MTAP: variants seen among roughly 807,000 people sequenced by gnomAD.
MTAP encodes the protein methylthioadenosine phosphorylase.
Under a neutral mutation model 33.6 loss-of-function variants are expected in MTAP, and 33 were observed. The ratio of observed to expected loss-of-function variants is 0.98; its 90% CI spans 0.74 to 1.31. The LOEUF (loss-of-function observed/expected upper bound fraction) is 1.31. Ranked by LOEUF, MTAP falls within the 40% of genes most tolerant of loss-of-function variation. MTAP has a pLI of 0.00. For synonymous variants in MTAP, 148 were observed against 125.7 expected, an observed-to-expected ratio of 1.18 and a Z score of -1.19; for missense variants, 367 against 360.0, an observed-to-expected ratio of 1.02 and a Z score of -0.16.
intron 5 of MTAP, among the ~76,000 whole-genome samples, chr9:21,843,710 G>A (rs1825308066): frequency 6.6e-6 from 1 of 152,146 alleles, no homozygotes; most frequent in Non-Finnish European, 1.5e-5. Flanking sequence ...TGATTATAGT[G>A]ACACAACTTA....
intron 5 of MTAP, among the ~76,000 whole-genome samples, chr9:21,847,115 C>T (rs1021269866): frequency 2.6e-5 from 4 of 152,166 alleles, no homozygotes; most frequent in African/African-American, 7.2e-5. Flanking sequence ...AGCCTCCCAG[C>T]GTACATCTTT....
Position 21,862,248 on chromosome 9 carries a change from T to A in MTAP, c.*234T>A, listed in dbSNP as rs564730053. On this transcript the variant is annotated 3_prime_UTR_variant, in exon 8 of 8. Coordinates refer to ENST00000644715, the MANE Select transcript of MTAP (RefSeq NM_002451.4). ...ACTAGTAAACATGTGGGAAAAAATA[T>A]TACATTTTAAGGGGGAAAAAAAAAC... 1.4e-5 allele frequency: 16 copies of A among 1,105,618 alleles called. No individual in the cohort carries two copies. In the South Asian group the frequency reaches 4.2e-4, roughly 29 times the overall value. 68.5% of individuals were successfully genotyped at this position (1,105,618 alleles called of 1,614,324 possible).
intron 1 of MTAP, among the ~76,000 whole-genome samples, chr9:21,901,438 C>T (rs1818391542): frequency 6.6e-6 from 1 of 152,118 alleles, no homozygotes; most frequent in Non-Finnish European, 1.5e-5. Flanking sequence ...GATACAGAAT[C>T]CTAATGACAC....
chr9:21,838,950 G>C (rs528092515), intron 5 of MTAP, among the ~76,000 whole-genome samples: 1 of 152,166 alleles, frequency 6.6e-6, no homozygotes, highest in Non-Finnish European at 1.5e-5. Context: ...GAGAGTAGAT[G>C]ATTTCTTTTA....
In MTAP at chr9:21,864,851, T is replaced by A. The variant is rs566068002; in HGVS notation, c.*2837T>A. ...CACAGGATGCTCCTGGAGCCTCTTC[T>A]CTGGCTGCTACCTCAGGGCATGGTT... On this transcript the variant is annotated 3_prime_UTR_variant, in exon 8 of 8. Coordinates refer to ENST00000644715, the MANE Select transcript of MTAP (RefSeq NM_002451.4). The A allele has an allele frequency of 2.2e-4, 213 of 985,374 alleles. No homozygotes were observed. The highest frequency in any genetic ancestry group is 2.5e-4 in the Non-Finnish European group (205 of 829,966). The allele number at this position is 985,374 out of a possible 1,614,324, so 61.0% of individuals were successfully genotyped here. A position where few individuals can be genotyped will look rare whatever the true frequency, so the allele number is the denominator to read the frequency against.
At chr9:21,939,706 A>G (rs1819103646), downstream of MTAP, among the ~76,000 whole-genome samples, 1 of 131,990 alleles carries the variant, frequency 7.6e-6, no homozygotes, top group Non-Finnish European at 1.5e-5. Flanking sequence ...TCTATGAAAA[A>G]ATAATAATAA....
At chr9:21,850,495 G>A (rs1397131137) in intron 5 of MTAP, among the ~76,000 whole-genome samples, 1 of 152,218 alleles carries the variant, frequency 6.6e-6, no homozygotes, top group African/African-American at 2.4e-5. Flanking sequence ...GCAAACTGCT[G>A]TGCCATTTGG....
exon 8 of MTAP, chr9:21,936,367 G>A (rs968690305): frequency 2.6e-5 from 4 of 152,180 alleles, no homozygotes; most frequent in African/African-American, 9.7e-5. Context: ...GACAGATGAT[G>A]ATAAATTTTG....
chr9:21,813,670 G>A (rs746415593), intron 1 of MTAP: 7 of 152,216 alleles, frequency 4.6e-5, no homozygotes, highest in Non-Finnish European at 8.8e-5. Context: ...GAAACAGCCA[G>A]GCCAAAGTGG....
intron 1 of MTAP, among the ~76,000 whole-genome samples, chr9:21,921,669 T>C (rs1248995939): frequency 6.6e-6 from 1 of 152,210 alleles, no homozygotes; most frequent in Non-Finnish European, 1.5e-5. Context: ...AATCAAAATA[T>C]GCCTCTCTTA....
intron 1 of MTAP, among the ~76,000 whole-genome samples, chr9:21,903,922 G>C (rs1333764380): frequency 6.6e-6 from 1 of 152,172 alleles, no homozygotes; most frequent in East Asian, 1.9e-4. Context: ...CTTATCACAA[G>C]GACAGAGGAT....
intron 1 of MTAP, among the ~76,000 whole-genome samples, chr9:21,920,050 A>G (rs77377629): frequency 7.3e-6 from 1 of 136,620 alleles, no homozygotes; most frequent in African/African-American, 3.7e-5. Context: ...ATTAGAGACA[A>G]GAGAACAAGA....
chr9:21,922,400 C>T lies in MTAP; in HGVS notation c.148-8608C>T, dbSNP rs904280474. 1.3e-5 allele frequency among the ~76,000 whole-genome samples: 2 copies of T among 152,066 alleles called. No individual in the cohort carries two copies. Among genetic ancestry groups the T allele is most frequent in the African/African-American group, 4.8e-5 (2 of 41,402 alleles). On this transcript the variant is annotated intron_variant, in intron 1 of 1. Coordinates refer to the MTAP transcript ENST00000577563. This position sits in a 1 kb window ranked among gnomAD's most constrained non-coding sequence, Gnocchi z 4.8. Reference sequence around the variant, plus strand: ...CAGGGCACTTGGATTTCTCAGGTTGCCAACTTGGCCCTCTTCCAAGTTACT... The same window carrying T: ...CAGGGCACTTGGATTTCTCAGGTTGTCAACTTGGCCCTCTTCCAAGTTACT...
At chr9:21,883,677 C>A (rs569096439) in intron 1 of MTAP, among the ~76,000 whole-genome samples, 1 of 150,808 alleles carries the variant, frequency 6.6e-6, no homozygotes, top group East Asian at 1.9e-4. Flanking sequence ...GTGTGTTTGG[C>A]CACTAGATAG....
intron 1 of MTAP, among the ~76,000 whole-genome samples, chr9:21,909,798 A>G (rs2118840763): frequency 6.6e-6 from 1 of 152,312 alleles, no homozygotes; most frequent in South Asian, 2.1e-4. Context: ...CTCACAATAC[A>G]TTGTTTGAGG....
intron 1 of MTAP, among the ~76,000 whole-genome samples, chr9:21,808,131 G>A (rs1824253437): frequency 6.6e-6 from 1 of 152,244 alleles, no homozygotes; most frequent in South Asian, 2.1e-4. Context: ...TCTAGGTTTT[G>A]ACAAGCCTTA....
chr9:21,856,471 A>C (rs4977734), intron 6 of MTAP, among the ~76,000 whole-genome samples: 40,016 of 152,066 alleles, frequency 0.26, 5,714 homozygotes, highest in East Asian at 0.47. Context: ...TTGGTAACCT[A>C]AGGAACAACT....
intron 1 of MTAP, among the ~76,000 whole-genome samples, chr9:21,872,302 A>G (rs1021681866): frequency 2.6e-5 from 4 of 152,214 alleles, no homozygotes; most frequent in African/African-American, 9.6e-5. Context: ...TGGGCAATAG[A>G]GAAAAACTCC....
At chr9:21,925,386 C>G (rs148858724) in intron 1 of MTAP, among the ~76,000 whole-genome samples, 21 of 152,304 alleles carry the variant, frequency 1.4e-4, no homozygotes, top group African/African-American at 4.8e-4. Context: ...GACCCCAAAA[C>G]CCTTATGCCT....
Sources: allele counts gnomAD v4.1 joint callset (sites outside exome capture counted in the v4.1 genomes callset), GRCh38; gene constraint gnomAD v4.1.1; non-coding constraint Gnocchi (gnomAD v3.1); transcripts MANE v1.5; gene names NCBI Gene and HGNC (gene_info 2026-07-23, HGNC 2026-07-21).